SLC9B1: variants seen among roughly 807,000 people sequenced by gnomAD.
SLC9B1 encodes the protein solute carrier family 9 member B1, also known as sodium/hydrogen exchanger 9B1.
In SLC9B1, 32 loss-of-function variants were observed where a neutral mutation model predicts 51.7. The observed-to-expected ratio is 0.62, with a 90% confidence interval of 0.47 to 0.83. The LOEUF is 0.83. SLC9B1 is among the 40% of genes least tolerant of loss of function. The probability of loss-of-function intolerance (pLI) is 0.00; values close to 1 mark genes in which losing one functional copy is unlikely to be tolerated. For synonymous variants in SLC9B1, 145 were observed against 212.7 expected (o/e 0.68, Z 2.77); for missense variants, 406 against 613.2 (o/e 0.66, Z 3.57).
intron 1 of SLC9B1, among the ~76,000 whole-genome samples, chr4:103,005,315 A>AAAACAGACTTTAAAC (rs1157569050): frequency 3.3e-5 from 5 of 152,106 alleles, no homozygotes; most frequent in African/African-American, 1.2e-4. Context: ...AATTTCAGAC[A>AAAACAGACTTTAAAC]AAACAGACTT....
At chr4:102,975,565 C>CATATAT (rs749203965) in intron 3 of SLC9B1, among the ~76,000 whole-genome samples, 8 of 99,608 alleles carry the variant, frequency 8.0e-5, no homozygotes, top group South Asian at 3.7e-4. Flanking sequence ...ATTATATATA[C>CATATAT]ATATATATAT....
intron 11 of SLC9B1, chr4:102,892,278 G>A (rs1040557197): frequency 6.6e-6 from 1 of 152,074 alleles, no homozygotes; most frequent in African/African-American, 2.4e-5. Context: ...GGCTGGTCTC[G>A]AAGTCCTGGA....
At chr4:102,889,101 A>G (rs912738615) in intron 11 of SLC9B1, 2 of 152,248 alleles carry the variant, frequency 1.3e-5, no homozygotes, top group African/African-American at 4.8e-5. Flanking sequence ...GTTCAATTAT[A>G]TGATCGTAAC....
chr4:102,962,711 A>T (rs1738202341), intron 3 of SLC9B1: 3 of 470,266 alleles, frequency 6.4e-6, no homozygotes, highest in Non-Finnish European at 1.3e-5. Flanking sequence ...GCTAAGGGAG[A>T]GGGAGGTAGG....
intron 11 of SLC9B1, among the ~76,000 whole-genome samples, chr4:102,893,026 T>G (rs1734327707): frequency 6.6e-6 from 1 of 151,912 alleles, no homozygotes; most frequent in East Asian, 1.9e-4. Flanking sequence ...CACCTGTAAT[T>G]AATTCCAGCA....
intron 1 of SLC9B1, among the ~76,000 whole-genome samples, chr4:102,995,448 G>A (rs931097325): frequency 1.3e-5 from 2 of 152,112 alleles, no homozygotes; most frequent in African/African-American, 2.4e-5. Flanking sequence ...GACATCAAGC[G>A]ACTAGGCAGC....
In SLC9B1 at chr4:102,933,564, T is replaced by C. The variant is rs1736567946; in HGVS notation, c.654-1265A>G. Among the ~76,000 whole-genome samples, 3 of 152,330 alleles carry C rather than the reference T, an allele frequency of 2.0e-5. No homozygotes were observed. The South Asian group carries it at 6.2e-4, about 32-fold the overall frequency. ...CTTCTGTGGGTCAGGAATCTGGGCA[T>C]GGCTTAGCTGTATGCCTTCACTTAA... On this transcript the variant is annotated intron_variant, in intron 6 of 11. Coordinates refer to ENST00000296422, the MANE Select transcript of SLC9B1 (RefSeq NM_139173.4).
intron 7 of SLC9B1, among the ~76,000 whole-genome samples, chr4:102,930,107 C>T (rs1302368101): frequency 6.6e-6 from 1 of 152,158 alleles, no homozygotes; most frequent in Non-Finnish European, 1.5e-5. Flanking sequence ...AAGCAATTTA[C>T]AAAATGCCAA....
intron 2 of SLC9B1, among the ~76,000 whole-genome samples, chr4:102,990,712 T>TTTGAGTGAGTGAAAGAGATAATAC (rs1419599235): frequency 5.3e-5 from 8 of 151,972 alleles, no homozygotes; most frequent in Non-Finnish European, 1.2e-4. Context: ...TTGATAATAC[T>TTTGAGTGAGTGAAAGAGATAATAC]TTGAGTGAGT....
chr4:102,885,905 G>A lies in SLC9B1; in HGVS notation c.1333-577C>T, dbSNP rs1675031764. 2.0e-5 allele frequency among the ~76,000 whole-genome samples: 3 copies of A among 152,244 alleles called. No individual in the cohort carries two copies. The South Asian group carries it at 6.2e-4, about 32-fold the overall frequency. On this transcript the variant is annotated intron_variant, in intron 11 of 11. Coordinates refer to the SLC9B1 transcript ENST00000394789. ...ATGTAAACTGCTTTAATAATATGAG[G>A]TAGTAAATGATAGCCTCAATTATAG...
chr4:102,967,107 G>A (rs1738470513), intron 3 of SLC9B1, among the ~76,000 whole-genome samples: 1 of 152,224 alleles, frequency 6.6e-6, no homozygotes, highest in Non-Finnish European at 1.5e-5. Flanking sequence ...GATCTCATTA[G>A]AATGGCCTTT....
chr4:102,915,454 G>A (rs1053624555), intron 7 of SLC9B1, among the ~76,000 whole-genome samples: 1 of 152,098 alleles, frequency 6.6e-6, no homozygotes, highest in African/African-American at 2.4e-5. Context: ...GAGTGCAGTG[G>A]TTTGATCACA....
chr4:102,918,023 G>A (rs546931717), intron 7 of SLC9B1, among the ~76,000 whole-genome samples: 15 of 143,784 alleles, frequency 1.0e-4, no homozygotes, highest in East Asian at 2.1e-4. Flanking sequence ...AGCTGAGATC[G>A]TGCCACTGCA....
Position 102,973,363 on chromosome 4 carries a change from A to C in SLC9B1, c.211+16437T>G, listed in dbSNP as rs192637394. 2.3e-3 allele frequency among the ~76,000 whole-genome samples: 350 copies of C among 152,288 alleles called. 2 individuals are homozygous for C. The highest frequency in any genetic ancestry group is 7.9e-3 in the African/African-American group (327 of 41,586). The stretch of plus-strand genomic sequence containing the variant: ...GAGGAATAAAAGTCATTATGTAAAG[A>C]CATCTATGCAAGTAACAATTCAACC... On this transcript the variant is annotated intron_variant, in intron 3 of 11. Transcript: ENST00000296422.
intron 3 of SLC9B1, among the ~76,000 whole-genome samples, chr4:102,969,596 G>A (rs1292086690): frequency 1.3e-5 from 2 of 152,210 alleles, no homozygotes; most frequent in African/African-American, 2.4e-5. Context: ...AAGGATCGGA[G>A]CTCCTCGCCA....
chr4:102,948,781 A>C (rs1183837557), intron 4 of SLC9B1, among the ~76,000 whole-genome samples: 1 of 152,170 alleles, frequency 6.6e-6, no homozygotes, highest in Non-Finnish European at 1.5e-5. Flanking sequence ...ATATGGACCT[A>C]AAGATGGAAA....
At chr4:102,893,895 AAAACAAAAAAAC>A (rs1406192535) in intron 11 of SLC9B1, among the ~76,000 whole-genome samples, 1 of 152,218 alleles carries the variant, frequency 6.6e-6, no homozygotes, top group Non-Finnish European at 1.5e-5. Context: ...TCTCCATCTC[AAAACAAAAAAAC>A]AAACAAAAAA....
At chr4:103,005,691 G>C (rs1030858147) in intron 1 of SLC9B1, among the ~76,000 whole-genome samples, 3 of 151,942 alleles carry the variant, frequency 2.0e-5, no homozygotes, top group Non-Finnish European at 4.4e-5. Flanking sequence ...CTGTAAATTG[G>C]CCACATGATC....
intron 7 of SLC9B1, among the ~76,000 whole-genome samples, chr4:102,921,387 G>A (rs977306787): frequency 6.6e-6 from 1 of 152,158 alleles, no homozygotes; most frequent in Non-Finnish European, 1.5e-5. Flanking sequence ...CACCAGGCCT[G>A]CCTTACAAGA....
Sources: gnomAD v4.1 joint callset for allele counts (sites outside exome capture counted in the v4.1 genomes callset) on GRCh38, gnomAD v4.1.1 for gene constraint, MANE v1.5 for transcripts, NCBI Gene and HGNC (gene_info 2026-07-23, HGNC 2026-07-21) for gene names.